The following RASGRP3 variants were observed in gnomAD, a reference collection of about 807,000 sequenced individuals.
RASGRP3 encodes ras guanyl-releasing protein 3.
RASGRP3 carries 54 observed loss-of-function variants against 82.7 expected under a neutral mutation model. That is an observed-to-expected ratio of 0.65 (90% CI 0.52 to 0.82). RASGRP3 has a LOEUF of 0.82. Among genes scored for constraint, RASGRP3 ranks in the 40% least tolerant of loss-of-function variants. The pLI is 0.00. For synonymous variants in RASGRP3, 309 were observed against 300.5 expected (o/e 1.03, Z -0.29); for missense variants, 861 against 828.9 (o/e 1.04, Z -0.48).
intron 1 of RASGRP3, 90 bp downstream of exon 1, chr2:33,476,797 T>TGTGTGTGTG (rs1558419261): frequency 1.2e-4 from 6 of 52,114 alleles, no homozygotes; most frequent in African/African-American, 6.0e-4. Context: ...GTGTGTGTGT[T>TGTGTGTGTG]GCAAGCCACC....
intron 10 of RASGRP3, among the ~76,000 whole-genome samples, chr2:33,530,252 C>T (rs1044458667): frequency 5.3e-5 from 8 of 152,270 alleles, no homozygotes; most frequent in Non-Finnish European, 7.4e-5. Context: ...AACATGGCTC[C>T]AGCTGAGGTC....
At chr2:33,465,623 T>A (rs1666651274) in intron 2 of RASGRP3, among the ~76,000 whole-genome samples, 1 of 152,194 alleles carries the variant, frequency 6.6e-6, no homozygotes, top group East Asian at 1.9e-4. Context: ...CTAGCTAAGA[T>A]CATTGATGAA....
intron 11 of RASGRP3, among the ~76,000 whole-genome samples, chr2:33,537,872 A>G (rs1391496585): frequency 1.3e-5 from 2 of 152,196 alleles, no homozygotes; most frequent in East Asian, 1.9e-4. Flanking sequence ...TTTATATGCA[A>G]ATGTCTTGTA....
intron 2 of RASGRP3, among the ~76,000 whole-genome samples, chr2:33,465,810 T>C (rs2150906546): frequency 6.6e-6 from 1 of 152,328 alleles, no homozygotes; most frequent in East Asian, 1.9e-4. Flanking sequence ...TTGAAGCCAA[T>C]GCTCATTTGC....
At chr2:33,539,322 A>C in intron 12 of RASGRP3, 112 bp downstream of exon 12, 2 of 845,108 alleles carry the variant, frequency 2.4e-6, no homozygotes, top group Non-Finnish European at 3.8e-6. Context: ...ACCCTCTGGC[A>C]GGTAGGAACA....
rs754952310 is a variant in RASGRP3, at chr2:33,527,308, A to G, written c.979A>G (p.Ile327Val). The change falls in exon 10 of 18, where the codon ATT (isoleucine) becomes GTT (valine). Residue 327 changes from isoleucine to valine, a missense_variant. By Grantham distance (29) the Ile-to-Val change is conservative (BLOSUM62 3). Coordinates refer to ENST00000403687, the MANE Select transcript of RASGRP3 (RefSeq NM_001139488.2). ...PDWTEENKVN[I>V]VKMHQLSVTL... Reference sequence around the variant, plus strand: ...CTGGACAGAGGAGAACAAAGTGAACATTGTGAAAATGCACCAGCTCTCCGT... The same window carrying G: ...CTGGACAGAGGAGAACAAAGTGAACGTTGTGAAAATGCACCAGCTCTCCGT... The G allele has an allele frequency of 7.4e-6, 12 of 1,613,984 alleles. No individual in the cohort carries two copies. Among genetic ancestry groups the G allele is most frequent in the East Asian group, 4.5e-5 (2 of 44,880 alleles).
At chr2:33,487,038 G>A (rs908653106) in intron 1 of RASGRP3, among the ~76,000 whole-genome samples, 29 of 152,004 alleles carry the variant, frequency 1.9e-4, no homozygotes, top group African/African-American at 6.8e-4. Context: ...TCAATTCATG[G>A]TCATTCTTAT....
At chr2:33,498,402 T>C (rs1219389082) in intron 1 of RASGRP3, among the ~76,000 whole-genome samples, 1 of 152,202 alleles carries the variant, frequency 6.6e-6, no homozygotes, top group Non-Finnish European at 1.5e-5. Context: ...GTCCATGCTC[T>C]TTACCATTAC....
chr2:33,472,127 A>G (rs1398020789), upstream of RASGRP3, among the ~76,000 whole-genome samples: 2 of 152,130 alleles, frequency 1.3e-5, no homozygotes, highest in African/African-American at 2.4e-5. Flanking sequence ...CTTCTCTTTA[A>G]TTATTCATTT....
chr2:33,528,132 C>T (rs1407627398), intron 10 of RASGRP3, among the ~76,000 whole-genome samples: 2 of 152,220 alleles, frequency 1.3e-5, no homozygotes, highest in Admixed American at 6.5e-5. Flanking sequence ...GCATCTGTCA[C>T]ATCACCCTGG....
chr2:33,520,059 G>T, intron 5 of RASGRP3, 45 bp downstream of exon 5: 1 of 1,457,640 alleles, frequency 6.9e-7, no homozygotes, highest in East Asian at 2.4e-5. Flanking sequence ...TCTGGTTCTG[G>T]AATCGTGGAC....
chr2:33,504,801 C>G (rs1670204992), intron 1 of RASGRP3, among the ~76,000 whole-genome samples: 1 of 151,442 alleles, frequency 6.6e-6, no homozygotes, highest in African/African-American at 2.4e-5. Context: ...AGATTGTCAT[C>G]TGGATGCAGT....
intron 4 of RASGRP3, among the ~76,000 whole-genome samples, chr2:33,518,355 T>C (rs1336116196): frequency 2.6e-5 from 4 of 152,096 alleles, no homozygotes; most frequent in Non-Finnish European, 4.4e-5. Context: ...GTATAAAAGA[T>C]AAAAAGTGGT....
chr2:33,440,904 C>A (rs926676064), intron 1 of RASGRP3, among the ~76,000 whole-genome samples: 2 of 149,960 alleles, frequency 1.3e-5, no homozygotes, highest in Admixed American at 1.3e-4. Context: ...TTTTTTCTTT[C>A]TTCTTCAAGA....
chr2:33,490,389 A>G (rs927232969), intron 1 of RASGRP3, among the ~76,000 whole-genome samples: 4 of 152,216 alleles, frequency 2.6e-5, no homozygotes, highest in African/African-American at 9.6e-5. Flanking sequence ...CTCTGCCCAC[A>G]GTTCTGTAAA....
rs981332315 is a variant in RASGRP3 at position 33,436,493 on chromosome 2, GGTGT to G, written c.-482_-479del. 2.4e-4 allele frequency: 37 copies of G among 152,214 alleles called. 1 individual carries two copies. The highest frequency in any genetic ancestry group is 8.9e-4 in the African/African-American group (37 of 41,458). The allele number at this position is 152,214 out of a possible 1,614,324, so 9.4% of individuals were successfully genotyped here. A position where few individuals can be genotyped will look rare whatever the true frequency, so the allele number is the denominator to read the frequency against. ...TTTAGAAGACAGAACAGGAATTCTA[GGTGT>G]TTAGGCACGTTGAAGAGAAACTTGC... On this transcript the variant is annotated 5_prime_UTR_variant, in exon 1 of 19. Transcript: ENST00000402538.
rs1671095290 is a variant in RASGRP3 at position 33,513,119 on chromosome 2, T to C, written c.-128+1277T>C. 2.0e-5 allele frequency among the ~76,000 whole-genome samples: 3 copies of C among 152,338 alleles called. No individual in the cohort carries two copies. The South Asian group carries it at 6.2e-4, about 32-fold the overall frequency. On this transcript the variant is annotated intron_variant, in intron 2 of 17. Coordinates refer to ENST00000403687, the MANE Select transcript of RASGRP3 (RefSeq NM_001139488.2). Reference sequence around the variant, plus strand: ...TTAATAATCTGCTTTCACAAATCATTTCAGCAGCAGAATTGGGAAAGCGTT... The same window carrying C: ...TTAATAATCTGCTTTCACAAATCATCTCAGCAGCAGAATTGGGAAAGCGTT...
At chr2:33,526,398 C>G (rs926286901) in intron 9 of RASGRP3, among the ~76,000 whole-genome samples, 3 of 152,130 alleles carry the variant, frequency 2.0e-5, no homozygotes, top group Non-Finnish European at 4.4e-5. Flanking sequence ...ACAGAAGTAC[C>G]GTTGTTTGAC....
chr2:33,533,077 A>G (rs1238854299), intron 10 of RASGRP3: 5 of 152,208 alleles, frequency 3.3e-5, no homozygotes, highest in Admixed American at 6.5e-5. Context: ...TACATGGTCA[A>G]AGAAGGGAGC....
Sources: gnomAD v4.1 joint callset for allele counts (sites outside exome capture counted in the v4.1 genomes callset) on GRCh38, gnomAD v4.1.1 for gene constraint, MANE v1.5 for transcripts, NCBI Gene and HGNC (gene_info 2026-07-23, HGNC 2026-07-21) for gene names.